Variants in GK5 observed in about 807,000 individuals in gnomAD.
The protein encoded by GK5 is ATP:glycerol 3-phosphotransferase 5.
A neutral mutation model predicts 77.3 loss-of-function variants in GK5; 39 were observed. The observed-to-expected ratio is 0.50, with a 90% CI of 0.39 to 0.66. The LOEUF (loss-of-function observed/expected upper bound fraction) is 0.66. GK5 is among the 30% of genes least tolerant of loss of function. The pLI is 0.00. For missense variants in GK5, 487 were observed against 633.8 expected (o/e 0.77, Z 2.49); for synonymous variants, 211 against 208.0 (o/e 1.01, Z -0.13).
At chr3:142,187,667 T>C in intron 6 of GK5, 37 bp downstream of exon 6, 1 of 1,420,782 alleles carries the variant, frequency 7.0e-7, no homozygotes. Context: ...TGATCAAATT[T>C]CGGTTATTTA....
At chr3:142,215,837 T>C in intron 1 of GK5, 145 bp from the exon 2 acceptor site, 1 of 549,582 alleles carries the variant, frequency 1.8e-6, no homozygotes, top group South Asian at 2.8e-5. Context: ...AAAAGACACA[T>C]TTATGAGATA....
chr3:142,223,397 G>C (rs1389530705), intron 1 of GK5, among the ~76,000 whole-genome samples: 1 of 152,234 alleles, frequency 6.6e-6, no homozygotes, highest in Non-Finnish European at 1.5e-5. Context: ...TGAGTACCCA[G>C]TCACTGAAGG....
chr3:142,207,962 T>A (rs1359636687), intron 3 of GK5, among the ~76,000 whole-genome samples: 4 of 152,226 alleles, frequency 2.6e-5, no homozygotes, highest in African/African-American at 9.6e-5. Context: ...ACCATTATCA[T>A]GAGTACAAAT....
chr3:142,171,004 G>A (rs1374024154), intron 14 of GK5, among the ~76,000 whole-genome samples: 3 of 152,148 alleles, frequency 2.0e-5, no homozygotes, highest in South Asian at 2.1e-4. Context: ...TGAAGAGGGC[G>A]GATCACCTGA....
At position 142,225,387 on chromosome 3, in the gene GK5, C is replaced by T. The variant is rs752398485; in HGVS notation, c.69G>A (p.Gly23=). 2 of 1,596,346 alleles carry T rather than the reference C, an allele frequency of 1.3e-6. No individual in the cohort carries two copies. Among genetic ancestry groups the T allele is most frequent in the Non-Finnish European group, 8.5e-7 (1 of 1,173,202 alleles). ...QEPRYPGFVL[G]LDVGSSVIRC... is the part of the protein sequence containing the mutation. ...GGATCACAGAACTGCCCACATCCAG[C>T]CCCAGCACGAAGCCGGGGTACCGCG... The change falls in exon 1 of 16, where the codon GGG becomes GGA. Residue 23 remains glycine (G), a synonymous_variant. Transcript: ENST00000392993.
At chr3:142,212,333 G>A (rs1253766933) in intron 3 of GK5, among the ~76,000 whole-genome samples, 4 of 151,990 alleles carry the variant, frequency 2.6e-5, no homozygotes, top group African/African-American at 4.8e-5. Context: ...CAAGGAATTC[G>A]AGACCAGCTT....
intron 3 of GK5, among the ~76,000 whole-genome samples, chr3:142,210,488 G>A (rs1302407233): frequency 1.3e-5 from 2 of 152,294 alleles, no homozygotes; most frequent in East Asian, 3.9e-4. Flanking sequence ...GGGGCCCAAT[G>A]AGCAGAATAG....
In GK5 at chr3:142,160,803, C is replaced by CA. The variant is rs1235477870; in HGVS notation, c.*4818dup. On this transcript the variant is annotated 3_prime_UTR_variant, in exon 16 of 16. Transcript: ENST00000392993. ...GCACAATCATAGCTCATAGCACCCT[C>CA]AAACTCCTGTGTTCAAGCGATTCTC... The CA allele has an allele frequency of 4.6e-5, 7 of 151,606 alleles. No homozygotes were observed. Among genetic ancestry groups the CA allele is most frequent in the African/African-American group, 1.7e-4 (7 of 41,268 alleles). 9.4% of individuals were successfully genotyped at this position (151,606 alleles called of 1,614,324 possible).
rs567578467 is a variant in GK5, at chr3:142,200,100, C to T, written c.412-1167G>A. On this transcript the variant is annotated intron_variant, in intron 4 of 15. Transcript: ENST00000392993. ...CCTTCTTTATTTCTATATATATATA[C>T]ACACACACACACACACACACAAACA... 9.6e-4 allele frequency among the ~76,000 whole-genome samples: 138 copies of T among 143,602 alleles called. 1 individual carries two copies. The highest frequency in any genetic ancestry group is 2.4e-3 in the East Asian group (12 of 5,050). The allele number at this position is 143,602 out of a possible 152,430, so 94.2% of individuals were successfully genotyped here. A position where few individuals can be genotyped will look rare whatever the true frequency, so the allele number is the denominator to read the frequency against.
At chr3:142,203,819 T>C (rs1560230175) in intron 4 of GK5, among the ~76,000 whole-genome samples, 1 of 152,132 alleles carries the variant, frequency 6.6e-6, no homozygotes, top group Non-Finnish European at 1.5e-5. Context: ...GGAATATTGA[T>C]TATGACATAA....
At chr3:142,166,848 C>G (rs147692105) in intron 15 of GK5, among the ~76,000 whole-genome samples, 12 of 152,170 alleles carry the variant, frequency 7.9e-5, no homozygotes, top group Admixed American at 2.6e-4. Context: ...ACATTTATAA[C>G]TAAGATCATA....
At chr3:142,193,162 A>G (rs1048938581) in intron 5 of GK5, among the ~76,000 whole-genome samples, 1 of 152,240 alleles carries the variant, frequency 6.6e-6, no homozygotes, top group Admixed American at 6.5e-5. Context: ...CAAGATGCTA[A>G]TAACAGCAGA....
rs117795874 is a variant in GK5, at chr3:142,182,694, T to C, written c.943+229A>G. 1.8e-4 allele frequency among the ~76,000 whole-genome samples: 28 copies of C among 152,142 alleles called. No homozygotes were observed. In the East Asian group the frequency reaches 5.4e-3, roughly 29 times the overall value. ...AAATACAACATGTGTTATAGAAAAA[T>C]ACCCAGAAAGCTGACCATATATCCT... On this transcript the variant is annotated intron_variant, in intron 10 of 15. Coordinates refer to ENST00000392993, the MANE Select transcript of GK5 (RefSeq NM_001039547.3).
At chr3:142,222,560 T>C (rs138802714) in intron 1 of GK5, among the ~76,000 whole-genome samples, 1 of 150,238 alleles carries the variant, frequency 6.7e-6, no homozygotes, top group Non-Finnish European at 1.5e-5. Flanking sequence ...CGAGACTCCA[T>C]CTCAAAAAAA....
rs772711539 is a variant in GK5 at position 142,198,915 on chromosome 3, G to C, written c.430C>G (p.Arg144Gly). The change falls in exon 5 of 16, where the codon CGA (arginine) becomes GGA (glycine). Residue 144 changes from arginine to glycine, a missense_variant. Physicochemically the swap from Arg to Gly is moderately radical, Grantham distance 125. This residue lies in a region of GK5 where 323 missense variants were observed against 437.4 expected (regional missense o/e 0.74). Coordinates refer to ENST00000392993, the MANE Select transcript of GK5 (RefSeq NM_001039547.3). The stretch of plus-strand genomic sequence containing the variant: ...CTTCTAGTGAAAAAGTGAAGCACTC[G>C]GCAAGAACTGTGAAATATCTATATT... ...LLMKIFHSSC[R>G]VLHFFTRSKR... 6.2e-7 allele frequency: 1 copy of C among 1,610,454 alleles called. No homozygotes were observed. The highest frequency in any genetic ancestry group is 8.5e-7 in the Non-Finnish European group (1 of 1,178,042).
At chr3:142,173,105 G>C in intron 12 of GK5, 1 of 384,984 alleles carries the variant, frequency 2.6e-6, no homozygotes, top group South Asian at 2.0e-5. Context: ...GGAGGCTGAG[G>C]TGGAAGGATT....
chr3:142,214,016 G>T (rs936291954), intron 2 of GK5, among the ~76,000 whole-genome samples: 2 of 152,074 alleles, frequency 1.3e-5, no homozygotes, highest in African/African-American at 4.8e-5. Flanking sequence ...TAGAGACAGG[G>T]TTTTACCATG....
At chr3:142,200,737 C>T (rs2064008929) in intron 4 of GK5, among the ~76,000 whole-genome samples, 1 of 152,170 alleles carries the variant, frequency 6.6e-6, no homozygotes, top group Admixed American at 6.5e-5. Flanking sequence ...GCTCTAATAA[C>T]TGCACTTTTA....
intron 5 of GK5, among the ~76,000 whole-genome samples, chr3:142,193,984 A>AC (rs1387310256): frequency 6.6e-6 from 1 of 151,256 alleles, no homozygotes; most frequent in East Asian, 2.0e-4. Context: ...CAGGTGATCC[A>AC]CCCCCCTCGG....
Sources: allele counts gnomAD v4.1 joint callset (sites outside exome capture counted in the v4.1 genomes callset), GRCh38; gene constraint gnomAD v4.1.1; regional missense constraint gnomAD v4.1.1; transcripts MANE v1.5; gene names NCBI Gene and HGNC (gene_info 2026-07-23, HGNC 2026-07-21).